Variants in PLPPR1 observed in about 807,000 individuals in gnomAD.
PLPPR1 encodes phospholipid phosphatase related 1, also known as phospholipid phosphatase-related protein type 1.
In PLPPR1, 10 loss-of-function variants were observed where a neutral mutation model predicts 33.1. The observed-to-expected ratio is 0.30, with a 90% CI of 0.19 to 0.51. PLPPR1 has a LOEUF of 0.51. PLPPR1 is among the 20% of genes least tolerant of loss of function. PLPPR1 has a pLI of 0.97. For synonymous variants in PLPPR1, 151 were observed against 151.0 expected, an observed-to-expected ratio of 1.00 and a Z score of 0.00; for missense variants, 304 against 408.1, an observed-to-expected ratio of 0.74 and a Z score of 2.20.
At chr9:101,116,991 T>C (rs1831125424) in intron 1 of PLPPR1, among the ~76,000 whole-genome samples, 1 of 152,038 alleles carries the variant, frequency 6.6e-6, no homozygotes, top group South Asian at 2.1e-4. Flanking sequence ...AAGACCTTCA[T>C]AGTTAGGCAG....
intron 1 of PLPPR1, among the ~76,000 whole-genome samples, chr9:101,183,568 C>A (rs970291951): frequency 2.0e-5 from 3 of 151,400 alleles, no homozygotes; most frequent in Non-Finnish European, 3.0e-5. Flanking sequence ...TTAAAAAGTT[C>A]TAAAACTATC....
chr9:101,039,991 G>T (rs1475456648), intron 1 of PLPPR1, among the ~76,000 whole-genome samples: 2 of 151,124 alleles, frequency 1.3e-5, no homozygotes, highest in Non-Finnish European at 2.9e-5. Flanking sequence ...CTAATAATTT[G>T]AAAACTTTTC....
intron 2 of PLPPR1, among the ~76,000 whole-genome samples, chr9:101,192,834 G>A (rs1236885238): frequency 6.6e-6 from 1 of 152,082 alleles, no homozygotes; most frequent in East Asian, 1.9e-4. Context: ...ATTTTTGAGA[G>A]TATTTTAAAT....
At chr9:101,190,920 T>A (rs903062740) in intron 2 of PLPPR1, among the ~76,000 whole-genome samples, 2 of 152,168 alleles carry the variant, frequency 1.3e-5, no homozygotes, top group Non-Finnish European at 2.9e-5. Context: ...GTAATGGACA[T>A]GGCAGGCAGT....
intron 1 of PLPPR1, among the ~76,000 whole-genome samples, chr9:101,066,880 G>A (rs1830424687): frequency 6.6e-6 from 1 of 151,926 alleles, no homozygotes; most frequent in Non-Finnish European, 1.5e-5. Context: ...CCTGGGGTGG[G>A]TTCATTGAAT....
intron 3 of PLPPR1, among the ~76,000 whole-genome samples, chr9:101,274,178 A>G (rs1443624370): frequency 6.6e-6 from 1 of 152,214 alleles, no homozygotes. Flanking sequence ...CATTCCTTTG[A>G]TAATACTGAC....
At chr9:101,263,986 G>A (rs1448763376) in intron 2 of PLPPR1, among the ~76,000 whole-genome samples, 1 of 151,938 alleles carries the variant, frequency 6.6e-6, no homozygotes. Context: ...TCCCCTCTCA[G>A]GGGGTCAAAC....
intron 2 of PLPPR1, among the ~76,000 whole-genome samples, chr9:101,241,467 T>C (rs188758719): frequency 6.2e-4 from 95 of 152,236 alleles, no homozygotes; most frequent in Non-Finnish European, 1.2e-3. Flanking sequence ...TAAGAAAATC[T>C]ATGAATTTGT....
intron 3 of PLPPR1, among the ~76,000 whole-genome samples, chr9:101,285,831 A>G (rs978262312): frequency 2.0e-5 from 3 of 152,190 alleles, no homozygotes; most frequent in Non-Finnish European, 4.4e-5. Context: ...GAACCTTGTC[A>G]TAAATTCTAT....
intron 1 of PLPPR1, among the ~76,000 whole-genome samples, chr9:101,173,222 G>A (rs1825970205): frequency 6.6e-6 from 1 of 151,854 alleles, no homozygotes; most frequent in South Asian, 2.1e-4. Flanking sequence ...CTCTGCAAAG[G>A]ATTATTTTTA....
rs41274979 is a variant in PLPPR1, at chr9:101,324,708, T to G, written c.*651T>G. On this transcript the variant is annotated 3_prime_UTR_variant, in exon 8 of 8. Transcript: ENST00000374874. Reference sequence around the variant, plus strand: ...TTCTTAGATAATGGCCTCTACTAAATAACTCAAGATCTTTCTGGAATGTCT... The same window carrying G: ...TTCTTAGATAATGGCCTCTACTAAAGAACTCAAGATCTTTCTGGAATGTCT... 14,968 of 152,632 alleles carry G rather than the reference T, an allele frequency of 0.098. 869 individuals are homozygous for G. The highest frequency in any genetic ancestry group is 0.15 in the African/African-American group (6,382 of 41,514). The allele number at this position is 152,632 out of a possible 1,614,324, so 9.5% of individuals were successfully genotyped here. A position where few individuals can be genotyped will look rare whatever the true frequency, so the allele number is the denominator to read the frequency against.
At chr9:101,115,810 A>G (rs1831111368) in intron 1 of PLPPR1, among the ~76,000 whole-genome samples, 2 of 152,204 alleles carry the variant, frequency 1.3e-5, no homozygotes, top group South Asian at 4.1e-4. Flanking sequence ...ATTTTAATGA[A>G]AGGGATTTCT....
rs202138754 is a variant in PLPPR1 at position 101,263,002 on chromosome 9, CA to C, written c.64-6877del. 9.2e-3 allele frequency among the ~76,000 whole-genome samples: 1,397 copies of C among 152,064 alleles called. 16 individuals are homozygous for C. The highest frequency in any genetic ancestry group is 0.016 in the Admixed American group (243 of 15,284). ...TGGAACATCGCACACCAGGGCCTGTCAGTGGGTAGGGGCCTGGGGGAGGGAT... is the reference window on the plus strand; with the variant it reads ...TGGAACATCGCACACCAGGGCCTGTCGTGGGTAGGGGCCTGGGGGAGGGAT... On this transcript the variant is annotated intron_variant, in intron 2 of 7. Transcript: ENST00000374874.
intron 4 of PLPPR1, among the ~76,000 whole-genome samples, chr9:101,294,944 T>C (rs1753798800): frequency 3.3e-5 from 5 of 152,186 alleles, no homozygotes; most frequent in Admixed American, 3.3e-4. Context: ...TTGGAAGTTC[T>C]GGCCAGGGCA....
chr9:101,084,338 G>A (rs939041326), intron 1 of PLPPR1, among the ~76,000 whole-genome samples: 1 of 152,156 alleles, frequency 6.6e-6, no homozygotes, highest in African/African-American at 2.4e-5. Flanking sequence ...ATCACCAGAT[G>A]CCTATGGAGG....
chr9:101,043,314 T>TATATATAC (rs2082359521), intron 1 of PLPPR1, among the ~76,000 whole-genome samples: 1 of 147,486 alleles, frequency 6.8e-6, no homozygotes, highest in Admixed American at 6.7e-5. Flanking sequence ...TATATATGTG[T>TATATATAC]ATATACACAC....
At chr9:101,084,360 G>C (rs899877797) in intron 1 of PLPPR1, among the ~76,000 whole-genome samples, 2 of 152,192 alleles carry the variant, frequency 1.3e-5, no homozygotes, top group Non-Finnish European at 2.9e-5. Flanking sequence ...GGTTCCCTAA[G>C]AGTGAAAGCA....
intron 1 of PLPPR1, among the ~76,000 whole-genome samples, chr9:101,127,596 A>AGAGAAAG (rs1831261781): frequency 2.0e-5 from 3 of 152,210 alleles, no homozygotes; most frequent in Admixed American, 2.0e-4. Context: ...CAATCCTGGG[A>AGAGAAAG]GAGCAAGGAG....
At chr9:101,197,837 C>G (rs184643497) in intron 2 of PLPPR1, among the ~76,000 whole-genome samples, 2 of 152,298 alleles carry the variant, frequency 1.3e-5, no homozygotes, top group African/African-American at 2.4e-5. Context: ...ATGTCTTCTG[C>G]AATTTGAAAA....
Sources: allele counts gnomAD v4.1 joint callset (sites outside exome capture counted in the v4.1 genomes callset), GRCh38; gene constraint gnomAD v4.1.1; transcripts MANE v1.5; gene names NCBI Gene and HGNC (gene_info 2026-07-23, HGNC 2026-07-21).